The following NRG3 variants were observed in gnomAD, a reference collection of about 807,000 sequenced individuals.
The protein encoded by NRG3 is pro-neuregulin-3, membrane-bound isoform.
NRG3 carries 31 observed loss-of-function variants against 66.9 expected under a neutral mutation model. That is an observed-to-expected ratio of 0.46 (90% CI 0.35 to 0.63). The LOEUF (loss-of-function observed/expected upper bound fraction) is 0.63, where lower values mean the gene tolerates loss of function less well. Among genes scored for constraint, NRG3 ranks in the 20% least tolerant of loss-of-function variants. NRG3 has a pLI of 0.00. For missense variants in NRG3, 910 were observed against 878.9 expected (o/e 1.04, Z -0.45); for synonymous variants, 393 against 359.4 (o/e 1.09, Z -1.06).
chr10:82,052,162 AGTTT>A (rs1168998780), intron 1 of NRG3, among the ~76,000 whole-genome samples: 1 of 151,928 alleles, frequency 6.6e-6, no homozygotes, highest in African/African-American at 2.4e-5. Context: ...ATGAATATTC[AGTTT>A]GTTTAGGGGC....
chr10:82,905,229 C>G (rs1260461403), intron 4 of NRG3, among the ~76,000 whole-genome samples: 4 of 152,114 alleles, frequency 2.6e-5, no homozygotes, highest in Non-Finnish European at 5.9e-5. Flanking sequence ...TTGGTGTATT[C>G]ATAACATGGT....
chr10:81,888,130 A>C (rs1842754482), intron 1 of NRG3, among the ~76,000 whole-genome samples: 1 of 152,118 alleles, frequency 6.6e-6, no homozygotes, highest in Non-Finnish European at 1.5e-5. Flanking sequence ...TTGGTGTCTC[A>C]CAGTCCAGCA....
intron 1 of NRG3, among the ~76,000 whole-genome samples, chr10:82,054,504 A>C (rs1201613424): frequency 1.3e-5 from 2 of 152,166 alleles, no homozygotes; most frequent in Non-Finnish European, 2.9e-5. Flanking sequence ...GGTGGAGCAC[A>C]TAAGGGTCTT....
chr10:82,949,955 G>T (rs747760658), intron 4 of NRG3, among the ~76,000 whole-genome samples: 1 of 152,076 alleles, frequency 6.6e-6, no homozygotes, highest in Non-Finnish European at 1.5e-5. Context: ...CTCCTCAGGT[G>T]ATTTTTTATG....
At chr10:82,847,764 G>T (rs2063373124) in intron 3 of NRG3, among the ~76,000 whole-genome samples, 1 of 152,146 alleles carries the variant, frequency 6.6e-6, no homozygotes, top group Non-Finnish European at 1.5e-5. Context: ...GCGTAGTCCA[G>T]GGTTGTATCA....
At chr10:82,079,773 C>T (rs1272638611) in intron 1 of NRG3, among the ~76,000 whole-genome samples, 4 of 152,082 alleles carry the variant, frequency 2.6e-5, no homozygotes, top group African/African-American at 9.7e-5. Flanking sequence ...ATTTAAATTT[C>T]CTTCATATCT....
chr10:82,455,024 G>A (rs2091206742), intron 2 of NRG3, among the ~76,000 whole-genome samples: 1 of 152,126 alleles, frequency 6.6e-6, no homozygotes, highest in Non-Finnish European at 1.5e-5. Context: ...AGGTCATTCA[G>A]CTAATGAGTG....
At chr10:82,826,233 C>A (rs929632228) in intron 3 of NRG3, among the ~76,000 whole-genome samples, 3 of 152,172 alleles carry the variant, frequency 2.0e-5, no homozygotes, top group African/African-American at 4.8e-5. Flanking sequence ...AAAGAATCTT[C>A]AACTCAAAGA....
intron 2 of NRG3, among the ~76,000 whole-genome samples, chr10:82,504,203 A>T (rs1025189233): frequency 1.3e-5 from 2 of 152,178 alleles, no homozygotes; most frequent in African/African-American, 4.8e-5. Flanking sequence ...GATCAGTCAG[A>T]TGCCTTCTAA....
Position 81,934,819 on chromosome 10 carries a change from C to CT in NRG3, c.823+58659dup, listed in dbSNP as rs1251262768. Among the ~76,000 whole-genome samples the CT allele has an allele frequency of 2.6e-5, 4 of 152,104 alleles. No homozygotes were observed. In the East Asian group the frequency reaches 7.7e-4, roughly 29 times the overall value. On this transcript the variant is annotated intron_variant, in intron 1 of 8. Transcript: ENST00000372141. ...TCATGCTCTATTTGATGAATTACAT[C>CT]TTTAAGTTATTGGTATGTTACTATA...
Position 82,484,580 on chromosome 10 carries a change from A to G in NRG3, c.953+125712A>G, listed in dbSNP as rs142610134. Among the ~76,000 whole-genome samples, 871 of 152,308 alleles carry G rather than the reference A, an allele frequency of 5.7e-3. 8 individuals are homozygous for G. The highest frequency in any genetic ancestry group is 0.017 in the African/African-American group (691 of 41,570). On this transcript the variant is annotated intron_variant, in intron 2 of 8. Transcript: ENST00000372141. ...GTCCCTTACATAAGCTATCTTTGGC[A>G]TTAATTACATCTACAAATTCCCAGT... is the stretch of plus-strand genomic sequence containing the variant.
intron 2 of NRG3, among the ~76,000 whole-genome samples, chr10:82,604,338 G>A (rs757753123): frequency 1.3e-5 from 2 of 152,050 alleles, no homozygotes; most frequent in Non-Finnish European, 2.9e-5. Flanking sequence ...TGCAATATGT[G>A]TTTAAAGTTT....
At chr10:82,614,375 G>A (rs941721642) in intron 2 of NRG3, among the ~76,000 whole-genome samples, 4 of 152,152 alleles carry the variant, frequency 2.6e-5, no homozygotes, top group East Asian at 3.9e-4. Context: ...CAAATTACAG[G>A]TGCAGCAGTA....
chr10:82,488,303 T>G (rs771975938), intron 2 of NRG3, among the ~76,000 whole-genome samples: 1 of 152,194 alleles, frequency 6.6e-6, no homozygotes, highest in Non-Finnish European at 1.5e-5. Flanking sequence ...ATGTTATTAT[T>G]TCCAAATGTG....
At chr10:82,098,461 GC>G (rs1315343728) in intron 1 of NRG3, among the ~76,000 whole-genome samples, 1 of 152,136 alleles carries the variant, frequency 6.6e-6, no homozygotes, top group Admixed American at 6.5e-5. Flanking sequence ...TGCTCCTTGA[GC>G]CCCCTTGGGG....
intron 1 of NRG3, among the ~76,000 whole-genome samples, chr10:82,152,074 A>G (rs1164088747): frequency 6.6e-6 from 1 of 152,132 alleles, no homozygotes; most frequent in Non-Finnish European, 1.5e-5. Flanking sequence ...CAAGAAACTA[A>G]ATATTTTAGG....
chr10:82,457,884 G>A (rs576805059), intron 2 of NRG3, among the ~76,000 whole-genome samples: 16 of 152,294 alleles, frequency 1.1e-4, no homozygotes, highest in South Asian at 8.3e-4. Flanking sequence ...TGATTTTTCC[G>A]CTAAGAAAAT....
chr10:82,918,379 T>C (rs1419070047), intron 4 of NRG3, among the ~76,000 whole-genome samples: 1 of 152,166 alleles, frequency 6.6e-6, no homozygotes, highest in East Asian at 1.9e-4. Context: ...TTCTCAGCCT[T>C]GTTTTCTGGT....
chr10:82,844,698 A>T (rs1213435903), intron 3 of NRG3, among the ~76,000 whole-genome samples: 1 of 150,836 alleles, frequency 6.6e-6, no homozygotes, highest in Non-Finnish European at 1.5e-5. Flanking sequence ...CCAAATAAGA[A>T]GCTGTATTTG....
Sources: allele counts gnomAD v4.1 joint callset (sites outside exome capture counted in the v4.1 genomes callset), GRCh38; gene constraint gnomAD v4.1.1; transcripts MANE v1.5; gene names NCBI Gene and HGNC (gene_info 2026-07-23, HGNC 2026-07-21).